Variants in NRXN3 observed in about 807,000 individuals in gnomAD.
The protein encoded by NRXN3 is neurexin III.
NRXN3 carries 32 observed loss-of-function variants against 137.6 expected under a neutral mutation model. That is an observed-to-expected ratio of 0.23 (90% CI 0.18 to 0.31). The LOEUF (loss-of-function observed/expected upper bound fraction) is 0.31. NRXN3 is among the 10% of genes least tolerant of loss of function. NRXN3 has a pLI of 1.00. For missense variants in NRXN3, 1,574 were observed against 2,062.5 expected (o/e 0.76, Z 4.59); for synonymous variants, 798 against 784.5 (o/e 1.02, Z -0.29).
intron 4 of NRXN3, among the ~76,000 whole-genome samples, chr14:78,346,348 T>C (rs78990244): frequency 7.3e-6 from 1 of 137,874 alleles, no homozygotes; most frequent in African/African-American, 3.3e-5. Flanking sequence ...TGGGGCCTGG[T>C]CTCCTCCCTA....
chr14:79,669,506 A>G (rs963850633), intron 17 of NRXN3, among the ~76,000 whole-genome samples: 2 of 152,110 alleles, frequency 1.3e-5, no homozygotes, highest in Non-Finnish European at 2.9e-5. Context: ...GTGAGTTTCT[A>G]TTTCCAAGGG....
At chr14:79,402,600 A>C (rs1320945872) in intron 15 of NRXN3, among the ~76,000 whole-genome samples, 2 of 152,152 alleles carry the variant, frequency 1.3e-5, no homozygotes, top group Non-Finnish European at 2.9e-5. Context: ...CCCCTCACCT[A>C]CCTTAATTGG....
intron 10 of NRXN3, among the ~76,000 whole-genome samples, chr14:78,923,522 T>C (rs953103476): frequency 5.3e-5 from 8 of 152,348 alleles, no homozygotes; most frequent in Non-Finnish European, 1.0e-4. Context: ...ATGGCTTTGA[T>C]GTGCTATTTT....
At chr14:79,411,613 G>T (rs1223427251) in intron 15 of NRXN3, among the ~76,000 whole-genome samples, 2 of 152,168 alleles carry the variant, frequency 1.3e-5, no homozygotes. Flanking sequence ...ATGTTATACT[G>T]CTACTTTGAT....
chr14:78,707,443 G>A lies in NRXN3; in HGVS notation c.1222-1774G>A, dbSNP rs371509083. On this transcript the variant is annotated intron_variant, in intron 6 of 20. Coordinates refer to ENST00000335750, the MANE Select transcript of NRXN3 (RefSeq NM_001330195.2). ...TCAGAGCGCCAAAAACCATTCCAGG[G>A]TACTGTATCAAATTTCAGTTCAAAT... 2.0e-5 allele frequency among the ~76,000 whole-genome samples: 3 copies of A among 152,196 alleles called. No homozygotes were observed. The East Asian group carries it at 5.8e-4, about 29-fold the overall frequency.
chr14:78,343,839 C>T (rs1375335549), intron 4 of NRXN3, among the ~76,000 whole-genome samples: 1 of 152,150 alleles, frequency 6.6e-6, no homozygotes, highest in South Asian at 2.1e-4. Context: ...GGGCATGGGA[C>T]CCCAGCATCA....
At chr14:78,791,289 G>A (rs2098804403) in intron 8 of NRXN3, among the ~76,000 whole-genome samples, 1 of 152,112 alleles carries the variant, frequency 6.6e-6, no homozygotes, top group Admixed American at 6.6e-5. Context: ...AAGAACAGCT[G>A]CCTGCTAGGG....
chr14:79,634,753 C>T (rs571462002), intron 16 of NRXN3, among the ~76,000 whole-genome samples: 3 of 152,278 alleles, frequency 2.0e-5, no homozygotes, highest in South Asian at 4.1e-4. Context: ...CAAAGCCAAA[C>T]TTAACAGCAC....
intron 15 of NRXN3, among the ~76,000 whole-genome samples, chr14:79,466,480 C>G (rs111908763): frequency 1.3e-5 from 2 of 151,806 alleles, no homozygotes; most frequent in African/African-American, 4.8e-5. Flanking sequence ...CCCAGCTACT[C>G]GGGAAGCTAA....
intron 4 of NRXN3, among the ~76,000 whole-genome samples, chr14:78,498,371 C>T (rs1012470808): frequency 6.6e-6 from 1 of 152,112 alleles, no homozygotes; most frequent in Non-Finnish European, 1.5e-5. Flanking sequence ...TGTATTTCTG[C>T]CTTTGTGCGA....
At chr14:79,334,891 C>T (rs889592519) in intron 15 of NRXN3, among the ~76,000 whole-genome samples, 8 of 152,086 alleles carry the variant, frequency 5.3e-5, no homozygotes, top group Non-Finnish European at 7.4e-5. Context: ...TTTATAAGCT[C>T]ATATAAAATA....
At chr14:79,174,368 G>A (rs972240784) in intron 15 of NRXN3, among the ~76,000 whole-genome samples, 1 of 152,018 alleles carries the variant, frequency 6.6e-6, no homozygotes, top group East Asian at 1.9e-4. Context: ...GAGATGTTTT[G>A]TATTCATATG....
In NRXN3 at chr14:79,725,528, C is replaced by T. The variant is rs183511000; in HGVS notation, c.4014+27591C>T. Among the ~76,000 whole-genome samples, 305 of 152,202 alleles carry T rather than the reference C, an allele frequency of 2.0e-3. 1 individual carries two copies. Among genetic ancestry groups the T allele is most frequent in the Non-Finnish European group, 3.4e-3 (228 of 68,020 alleles). On this transcript the variant is annotated intron_variant, in intron 19 of 20. Coordinates refer to ENST00000335750, the MANE Select transcript of NRXN3 (RefSeq NM_001330195.2). ...TACTCTCCACTAACTACCTGAGTGACATTAGGCAAACTTGCAAATGTGGAA... is the reference window on the plus strand; with the variant it reads ...TACTCTCCACTAACTACCTGAGTGATATTAGGCAAACTTGCAAATGTGGAA...
chr14:78,437,531 T>C (rs916286503), intron 4 of NRXN3, among the ~76,000 whole-genome samples: 1 of 152,058 alleles, frequency 6.6e-6, no homozygotes, highest in African/African-American at 2.4e-5. Flanking sequence ...GTAGTTTTAG[T>C]AGAGACAGGG....
At chr14:79,535,803 G>C (rs1424303027) in intron 16 of NRXN3, among the ~76,000 whole-genome samples, 1 of 152,096 alleles carries the variant, frequency 6.6e-6, no homozygotes, top group Non-Finnish European at 1.5e-5. Context: ...GGAACTTCTG[G>C]TCTCTCCAGG....
intron 10 of NRXN3, among the ~76,000 whole-genome samples, chr14:78,883,200 A>G (rs2099134291): frequency 6.6e-6 from 1 of 152,176 alleles, no homozygotes; most frequent in Admixed American, 6.5e-5. Flanking sequence ...GTGAGAATAA[A>G]CTAATATATA....
intron 15 of NRXN3, among the ~76,000 whole-genome samples, chr14:79,182,099 TC>T (rs1171720750): frequency 6.6e-6 from 1 of 152,116 alleles, no homozygotes; most frequent in Non-Finnish European, 1.5e-5. Flanking sequence ...AATAAAATGA[TC>T]AATATCATGT....
chr14:79,552,638 T>C (rs892488378), intron 16 of NRXN3, among the ~76,000 whole-genome samples: 2 of 152,030 alleles, frequency 1.3e-5, no homozygotes, highest in Non-Finnish European at 2.9e-5. Context: ...ATGGGGGACA[T>C]TGCCAATTTT....
chr14:79,414,441 AT>A (rs1164489048), intron 15 of NRXN3, among the ~76,000 whole-genome samples: 6 of 152,020 alleles, frequency 3.9e-5, no homozygotes, highest in Non-Finnish European at 7.4e-5. Context: ...TTTGAGATAA[AT>A]TTTATAATTT....
Sources: gnomAD v4.1 joint callset for allele counts (sites outside exome capture counted in the v4.1 genomes callset) on GRCh38, gnomAD v4.1.1 for gene constraint, MANE v1.5 for transcripts, NCBI Gene and HGNC (gene_info 2026-07-23, HGNC 2026-07-21) for gene names.